OXCT1: variants seen among roughly 807,000 people sequenced by gnomAD.
OXCT1 encodes succinyl-CoA:3-ketoacid coenzyme A transferase 1, mitochondrial.
In OXCT1, 27 loss-of-function variants were observed where a neutral mutation model predicts 69.6. That is an observed-to-expected ratio of 0.39 (90% CI 0.29 to 0.54). The LOEUF is 0.54. Ranked by LOEUF, OXCT1 falls within the 20% of genes least tolerant of loss-of-function variation. OXCT1 has a pLI of 0.72. For synonymous variants in OXCT1, 202 were observed against 217.8 expected (o/e 0.93, Z 0.64); for missense variants, 437 against 650.2 (o/e 0.67, Z 3.57).
intron 7 of OXCT1, among the ~76,000 whole-genome samples, chr5:41,817,569 T>C (rs112710293): frequency 1.0e-3 from 157 of 152,326 alleles, no homozygotes; most frequent in African/African-American, 3.5e-3. Context: ...CAAAACATGA[T>C]TTTAGTTCCA....
chr5:41,796,921 C>A (rs916734837), intron 11 of OXCT1, among the ~76,000 whole-genome samples: 5 of 152,158 alleles, frequency 3.3e-5, no homozygotes, highest in Non-Finnish European at 1.5e-5. Flanking sequence ...CCTCTAGGGA[C>A]AAATGCCACA....
chr5:41,760,004 G>C (rs1035592274), intron 14 of OXCT1, among the ~76,000 whole-genome samples: 6 of 152,044 alleles, frequency 3.9e-5, no homozygotes, highest in Non-Finnish European at 8.8e-5. Flanking sequence ...ATATCTAAAA[G>C]AACAGATTCT....
chr5:41,747,608 A>G (rs573964619), intron 15 of OXCT1, among the ~76,000 whole-genome samples: 1 of 152,174 alleles, frequency 6.6e-6, no homozygotes, highest in Admixed American at 6.6e-5. Flanking sequence ...ATTAGGGAAG[A>G]TTAGCTAGAT....
chr5:41,861,328 G>C lies in OXCT1; in HGVS notation c.264C>G (p.Val88=). The change falls in exon 3 of 17, where the codon GTC becomes GTG. Residue 88 remains valine (V), a synonymous_variant. Coordinates refer to ENST00000196371, the MANE Select transcript of OXCT1 (RefSeq NM_000436.4). ...TGCACACTTACCCTGCATTGTTGCTGACTGCAGTTAGTCCTTTTACTCCAG... is the reference window on the plus strand; with the variant it reads ...TGCACACTTACCCTGCATTGTTGCTCACTGCAGTTAGTCCTTTTACTCCAG... The part of the protein sequence containing the change: ...LKTGVKGLTA[V]SNNAGVDNFG... 6.2e-7 allele frequency: 1 copy of C among 1,600,680 alleles called. No homozygotes were observed.
chr5:41,765,836 A>C (rs1310953235), intron 13 of OXCT1, among the ~76,000 whole-genome samples: 1 of 152,186 alleles, frequency 6.6e-6, no homozygotes, highest in Non-Finnish European at 1.5e-5. Flanking sequence ...AGTTAAGTGA[A>C]TAGCTGAACA....
chr5:41,823,721 A>G (rs1057280520), intron 7 of OXCT1, among the ~76,000 whole-genome samples: 1 of 152,156 alleles, frequency 6.6e-6, no homozygotes, highest in African/African-American at 2.4e-5. Context: ...CTATTTTTTA[A>G]ATAATCATTA....
At position 41,788,845 on chromosome 5, in the gene OXCT1, G is replaced by A. The variant is rs537232160; in HGVS notation, c.1248+5158C>T. 9.7e-4 allele frequency among the ~76,000 whole-genome samples: 147 copies of A among 152,196 alleles called. 1 individual carries two copies. In the Middle Eastern group the frequency reaches 0.024, roughly 25 times the overall value. On this transcript the variant is annotated intron_variant, in intron 13 of 16. Coordinates refer to ENST00000196371, the MANE Select transcript of OXCT1 (RefSeq NM_000436.4). ...CAGAATATATATTCAAGTGCAAATGGAACAGTCACTAAAATAGCCTACATT... is the reference window on the plus strand; with the variant it reads ...CAGAATATATATTCAAGTGCAAATGAAACAGTCACTAAAATAGCCTACATT...
At chr5:41,758,917 C>T (rs990062877) in intron 14 of OXCT1, among the ~76,000 whole-genome samples, 1 of 151,938 alleles carries the variant, frequency 6.6e-6, no homozygotes, top group Admixed American at 6.6e-5. Flanking sequence ...GGAAATGTAG[C>T]CAGTCACTGG....
chr5:41,769,492 G>A (rs954080843), intron 13 of OXCT1, among the ~76,000 whole-genome samples: 15 of 151,112 alleles, frequency 9.9e-5, no homozygotes, highest in Admixed American at 4.0e-4. Context: ...AGAGGCTGGG[G>A]TAGGAGGATC....
At chr5:41,824,953 C>A (rs1747731801) in intron 7 of OXCT1, among the ~76,000 whole-genome samples, 1 of 152,140 alleles carries the variant, frequency 6.6e-6, no homozygotes, top group East Asian at 1.9e-4. Flanking sequence ...CAAAACTGAA[C>A]AGAACTTTTT....
At chr5:41,839,950 G>A (rs1209578738) in intron 7 of OXCT1, among the ~76,000 whole-genome samples, 2 of 152,196 alleles carry the variant, frequency 1.3e-5, no homozygotes, top group African/African-American at 2.4e-5. Flanking sequence ...TGGAAAGGCT[G>A]CAGAATTATC....
intron 13 of OXCT1, among the ~76,000 whole-genome samples, chr5:41,778,708 G>A (rs953107359): frequency 6.6e-6 from 1 of 152,170 alleles, no homozygotes; most frequent in African/African-American, 2.4e-5. Flanking sequence ...GACAGGTAAG[G>A]AATGCACACA....
chr5:41,794,355 T>C (rs1579750708), intron 12 of OXCT1: 7 of 593,708 alleles, frequency 1.2e-5, no homozygotes, highest in East Asian at 8.4e-5. Context: ...ATGTGACTAC[T>C]TGAACACAAA....
chr5:41,848,939 C>CTA (rs796389120), intron 5 of OXCT1, among the ~76,000 whole-genome samples: 4 of 152,286 alleles, frequency 2.6e-5, no homozygotes, highest in African/African-American at 9.6e-5. Context: ...CAAATGGGGT[C>CTA]TAATTAAACT....
intron 7 of OXCT1, among the ~76,000 whole-genome samples, chr5:41,830,259 T>C (rs1307348506): frequency 2.6e-5 from 4 of 152,348 alleles, no homozygotes; most frequent in East Asian, 1.9e-4. Flanking sequence ...AAGGTGATAG[T>C]ATTCTGCCGA....
At chr5:41,779,797 A>C (rs1487028809) in intron 13 of OXCT1, among the ~76,000 whole-genome samples, 1 of 152,152 alleles carries the variant, frequency 6.6e-6, no homozygotes, top group Non-Finnish European at 1.5e-5. Context: ...CAAGCCTTTA[A>C]AATTTGAAGA....
chr5:41,764,426 A>G (rs925444209), intron 13 of OXCT1, among the ~76,000 whole-genome samples: 2 of 152,194 alleles, frequency 1.3e-5, no homozygotes, highest in Non-Finnish European at 2.9e-5. Flanking sequence ...AATGTCTAGT[A>G]TAAGTGTTGC....
At chr5:41,785,873 C>T (rs1745616896) in intron 13 of OXCT1, among the ~76,000 whole-genome samples, 1 of 152,184 alleles carries the variant, frequency 6.6e-6, no homozygotes, top group African/African-American at 2.4e-5. Flanking sequence ...GGTATGCCTG[C>T]TGCTCACTCC....
intron 13 of OXCT1, among the ~76,000 whole-genome samples, chr5:41,792,122 A>C (rs988464367): frequency 1.1e-4 from 17 of 152,186 alleles, no homozygotes; most frequent in Non-Finnish European, 5.9e-5. Flanking sequence ...TTATAAGAAC[A>C]ATAACCTATT....
Sources: gnomAD v4.1 joint callset for allele counts (sites outside exome capture counted in the v4.1 genomes callset) on GRCh38, gnomAD v4.1.1 for gene constraint, MANE v1.5 for transcripts, NCBI Gene and HGNC (gene_info 2026-07-23, HGNC 2026-07-21) for gene names.